Variants in MSANTD7 observed in about 807,000 individuals in gnomAD.
The protein encoded by MSANTD7 is zinc finger and SCAN domain containing 29.
the MSANTD7 span, chr10:14,842,267 C>A: frequency 2.0e-6 from 3 of 1,535,024 alleles, no homozygotes; most frequent in South Asian, 3.6e-5. The surrounding 1 kb of genome is among the most constrained non-coding windows in gnomAD (Gnocchi z 5.2). Flanking sequence ...GCTGCCTAGC[C>A]CTCCTTTCCA....
chr10:14,838,532 C>A, the MSANTD7 span: 1 of 1,409,220 alleles, frequency 7.1e-7, no homozygotes, highest in Non-Finnish European at 9.6e-7. Context: ...CATCCACAGG[C>A]TTGAGAGCGG....
chr10:14,843,602 C>T, the MSANTD7 span: 1 of 1,550,646 alleles, frequency 6.4e-7, no homozygotes, highest in Non-Finnish European at 8.7e-7. Context: ...AGTGAGCCCC[C>T]TCCAAGGTGG....
At chr10:14,840,062 T>A in the MSANTD7 span, 10 of 549,086 alleles carry the variant, frequency 1.8e-5, no homozygotes, top group African/African-American at 7.2e-4. Flanking sequence ...ATATATATTA[T>A]TTTTTTTTTC....
chr10:14,842,315 C>T, the MSANTD7 span: 5 of 1,535,818 alleles, frequency 3.3e-6, no homozygotes, highest in African/African-American at 1.4e-5. The surrounding 1 kb of genome is among the most constrained non-coding windows in gnomAD (Gnocchi z 5.2). Context: ...TGCGGGCATC[C>T]GGTGGTCCAG....
chr10:14,842,656 C>T, the MSANTD7 span: 1 of 1,536,218 alleles, frequency 6.5e-7, no homozygotes. The surrounding 1 kb of genome is among the most constrained non-coding windows in gnomAD (Gnocchi z 5.2). Context: ...GTGATCAGAA[C>T]TTAGTGGCCT....
the MSANTD7 span, chr10:14,840,065 T>A: frequency 4.6e-6 from 6 of 1,308,558 alleles, no homozygotes; most frequent in African/African-American, 3.0e-5. Context: ...TATATTATTT[T>A]TTTTTTCAGA....
At chr10:14,846,519 C>G in the MSANTD7 span, 7 of 985,174 alleles carry the variant, frequency 7.1e-6, no homozygotes, top group Admixed American at 4.3e-4. Flanking sequence ...TACAGGGAGA[C>G]AGTGTGCAAG....
the MSANTD7 span, chr10:14,842,234 G>C: frequency 6.5e-7 from 1 of 1,535,660 alleles, no homozygotes; most frequent in East Asian, 2.4e-5. The surrounding 1 kb of genome is among the most constrained non-coding windows in gnomAD (Gnocchi z 5.2). Flanking sequence ...CACACCTTCA[G>C]ACTTGCACCT....
chr10:14,842,202 C>G, the MSANTD7 span: 1 of 1,535,368 alleles, frequency 6.5e-7, no homozygotes, highest in South Asian at 1.2e-5. This position sits in a 1 kb window ranked among gnomAD's most constrained non-coding sequence, Gnocchi z 5.2. Flanking sequence ...TGGAGATATC[C>G]TGAGAGCACA....
chr10:14,839,471 A>G, the MSANTD7 span, among the ~76,000 whole-genome samples: 4 of 152,080 alleles, frequency 2.6e-5, no homozygotes, highest in East Asian at 5.8e-4. Flanking sequence ...AGGCTGAGGC[A>G]TGAGAATGGC....
chr10:14,845,576 C>G, the MSANTD7 span: 2 of 962,604 alleles, frequency 2.1e-6, no homozygotes, highest in Non-Finnish European at 2.5e-6. Context: ...AGACAAATCA[C>G]TTGCCCTTTT....
chr10:14,842,366 G>A, the MSANTD7 span: 2 of 1,536,154 alleles, frequency 1.3e-6, no homozygotes, highest in East Asian at 2.4e-5. This position sits in a 1 kb window ranked among gnomAD's most constrained non-coding sequence, Gnocchi z 5.2. Context: ...AGGCGAGGCA[G>A]AGTATATTCA....
chr10:14,840,198 C>A, the MSANTD7 span: 2 of 976,328 alleles, frequency 2.0e-6, no homozygotes, highest in South Asian at 2.5e-5. Context: ...GTAATAGGAA[C>A]ATGTTCATAA....
At chr10:14,845,184 G>A in the MSANTD7 span, 1 of 985,372 alleles carries the variant, frequency 1.0e-6, no homozygotes, top group Non-Finnish European at 1.2e-6. Context: ...TACTCTAGAA[G>A]GGAAGACATT....
chr10:14,843,943 C>T, the MSANTD7 span: 17 of 1,524,590 alleles, frequency 1.1e-5, no homozygotes, highest in Non-Finnish European at 1.5e-5. Flanking sequence ...AAGTCTAGTT[C>T]CCAAACCTGC....
the MSANTD7 span, chr10:14,842,966 C>A: frequency 1.3e-6 from 1 of 799,704 alleles, no homozygotes. The surrounding 1 kb of genome is among the most constrained non-coding windows in gnomAD (Gnocchi z 5.2). Flanking sequence ...CATTCTGCCC[C>A]ACGCACCTTT....
the MSANTD7 span, chr10:14,839,993 T>G: frequency 1.6e-5 from 25 of 1,599,128 alleles, no homozygotes; most frequent in African/African-American, 2.7e-5. Context: ...GAGGTACTAG[T>G]CCCCCCATTT....
chr10:14,846,610 C>A, the MSANTD7 span: 1 of 962,266 alleles, frequency 1.0e-6, no homozygotes, highest in East Asian at 1.1e-4. Flanking sequence ...TCCAGCATTC[C>A]ATAACTCAGG....
chr10:14,842,313 T>G, the MSANTD7 span: 1 of 1,535,976 alleles, frequency 6.5e-7, no homozygotes. The surrounding 1 kb of genome is among the most constrained non-coding windows in gnomAD (Gnocchi z 5.2). Context: ...AGTGCGGGCA[T>G]CCGGTGGTCC....
Sources: gnomAD v4.1 joint callset for allele counts (sites outside exome capture counted in the v4.1 genomes callset) on GRCh38, gnomAD v4.1.1 for gene constraint, Gnocchi (gnomAD v3.1) non-coding constraint, MANE v1.5 for transcripts, NCBI Gene and HGNC (gene_info 2026-07-23, HGNC 2026-07-21) for gene names.